The following SGIP1 variants were observed in gnomAD, a reference collection of about 807,000 sequenced individuals.
SGIP1 encodes the protein SH3GL interacting endocytic adaptor 1.
In SGIP1, 38 loss-of-function variants were observed where a neutral mutation model predicts 107.5. The ratio of observed to expected loss-of-function variants is 0.35; its 90% CI spans 0.27 to 0.46. SGIP1 has a LOEUF of 0.46. Among genes scored for constraint, SGIP1 ranks in the 20% least tolerant of loss-of-function variants. The pLI is 1.00. For missense variants in SGIP1, 929 were observed against 1,019.5 expected, an observed-to-expected ratio of 0.91 and a Z score of 1.21; for synonymous variants, 365 against 366.1, an observed-to-expected ratio of 1.00 and a Z score of 0.03.
At chr1:66,740,814 A>T in intron 23 of SGIP1, 92 bp downstream of exon 23, 3 of 774,722 alleles carry the variant, frequency 3.9e-6, no homozygotes, top group Non-Finnish European at 6.4e-6. Context: ...GTAGCAATAA[A>T]AACAAGCAGA....
intron 1 of SGIP1, among the ~76,000 whole-genome samples, chr1:66,567,009 G>A (rs1054199005): frequency 2.0e-5 from 3 of 152,024 alleles, no homozygotes. Context: ...ATGGCTCCCA[G>A]CTTCATCCAT....
At chr1:66,553,998 C>T (rs2057817520) in intron 1 of SGIP1, among the ~76,000 whole-genome samples, 1 of 152,098 alleles carries the variant, frequency 6.6e-6, no homozygotes, top group South Asian at 2.1e-4. Flanking sequence ...TTCATTGCTG[C>T]TTGGTTTATG....
At chr1:66,729,009 T>C (rs2093889315) in intron 19 of SGIP1, among the ~76,000 whole-genome samples, 1 of 152,030 alleles carries the variant, frequency 6.6e-6, no homozygotes, top group African/African-American at 2.4e-5. Context: ...TCAAATACTA[T>C]GCTTAGTACC....
chr1:66,688,924 GACA>G (rs2089147703), intron 15 of SGIP1, among the ~76,000 whole-genome samples: 1 of 151,272 alleles, frequency 6.6e-6, no homozygotes, highest in African/African-American at 2.4e-5. Context: ...GGTGTCACAT[GACA>G]ACAAAAGGCA....
At chr1:66,701,407 A>G (rs1226433252) in intron 18 of SGIP1, among the ~76,000 whole-genome samples, 2 of 152,226 alleles carry the variant, frequency 1.3e-5, no homozygotes, top group African/African-American at 2.4e-5. Context: ...GGGAAACAAT[A>G]CAGAAACATT....
rs1487244174 is a variant in SGIP1 at position 66,733,815 on chromosome 1, C to T, written c.1966C>T (p.Leu656=). 6.2e-7 allele frequency: 1 copy of T among 1,613,494 alleles called. No homozygotes were observed. The highest frequency in any genetic ancestry group is 2.2e-5 in the East Asian group (1 of 44,772). Residue 656 remains leucine, a synonymous_variant, in exon 21 of 25, where the codon CTA becomes TTA. Transcript: ENST00000371037. ...WVNMPNLMTH[L]KKVSEQKPQA... ...AAACATGCCAAATTTGATGACTCAC[C>T]TAAAGAAAGTGTCTGAACAAAAACC...
chr1:66,638,084 A>G (rs1292548554), intron 4 of SGIP1, among the ~76,000 whole-genome samples: 1 of 152,122 alleles, frequency 6.6e-6, no homozygotes, highest in East Asian at 1.9e-4. Flanking sequence ...AGTCCTTTTG[A>G]TCTCCTATCA....
intron 1 of SGIP1, among the ~76,000 whole-genome samples, chr1:66,544,184 C>T (rs1217224250): frequency 6.6e-6 from 1 of 152,164 alleles, no homozygotes; most frequent in Non-Finnish European, 1.5e-5. Flanking sequence ...ATCCTTTATT[C>T]TCAATGTCCA....
chr1:66,685,323 G>A (rs1351419128), intron 15 of SGIP1, among the ~76,000 whole-genome samples: 6 of 152,180 alleles, frequency 3.9e-5, no homozygotes, highest in African/African-American at 1.4e-4. Context: ...CTATTGAAAA[G>A]CAGTTGGAAG....
intron 7 of SGIP1, among the ~76,000 whole-genome samples, chr1:66,652,625 C>A (rs1255588476): frequency 6.6e-6 from 1 of 151,610 alleles, no homozygotes; most frequent in African/African-American, 2.4e-5. Context: ...ATGTGGCCCA[C>A]CCACCCTTCC....
chr1:66,537,005 T>C (rs2053779700), intron 1 of SGIP1, among the ~76,000 whole-genome samples: 1 of 152,172 alleles, frequency 6.6e-6, no homozygotes, highest in East Asian at 1.9e-4. Flanking sequence ...TGGAACAGGA[T>C]ATAGGCTCCA....
chr1:66,559,578 G>A (rs2058648174), intron 1 of SGIP1, among the ~76,000 whole-genome samples: 1 of 151,998 alleles, frequency 6.6e-6, no homozygotes, highest in Admixed American at 6.6e-5. Context: ...AGAGTACATG[G>A]CTCCGCAATG....
chr1:66,581,742 G>C (rs1469993389), intron 1 of SGIP1, among the ~76,000 whole-genome samples: 1 of 152,016 alleles, frequency 6.6e-6, no homozygotes, highest in African/African-American at 2.4e-5. Context: ...GCTGAAGACT[G>C]AAGAGTGATT....
chr1:66,641,988 T>G (rs2076877784), intron 5 of SGIP1, among the ~76,000 whole-genome samples: 2 of 152,222 alleles, frequency 1.3e-5, no homozygotes, highest in African/African-American at 4.8e-5. Context: ...TTAGCACATC[T>G]TGCCTGAATC....
intron 1 of SGIP1, among the ~76,000 whole-genome samples, chr1:66,618,404 A>G (rs1404131066): frequency 6.7e-6 from 1 of 150,010 alleles, no homozygotes; most frequent in Admixed American, 6.6e-5. Context: ...TCATTAGTTT[A>G]AAAAAAATGA....
At chr1:66,597,209 C>G (rs1390771937) in intron 1 of SGIP1, among the ~76,000 whole-genome samples, 2 of 152,208 alleles carry the variant, frequency 1.3e-5, no homozygotes, top group Admixed American at 6.5e-5. Context: ...CTCTCTCCTC[C>G]CAACCTCCAC....
intron 18 of SGIP1, among the ~76,000 whole-genome samples, chr1:66,696,805 T>G (rs1458348463): frequency 6.6e-6 from 1 of 152,226 alleles, no homozygotes; most frequent in Non-Finnish European, 1.5e-5. Context: ...ATAACCAAGA[T>G]GCAAAGTCCA....
chr1:66,659,349 G>A (rs2080414938), intron 7 of SGIP1, among the ~76,000 whole-genome samples: 1 of 152,158 alleles, frequency 6.6e-6, no homozygotes, highest in Non-Finnish European at 1.5e-5. Context: ...CTCACAGGGA[G>A]AAGAATTCAT....
chr1:66,706,395 ATAGT>A (rs1171200783), intron 18 of SGIP1, among the ~76,000 whole-genome samples: 3 of 146,576 alleles, frequency 2.0e-5, no homozygotes, highest in African/African-American at 4.9e-5. Flanking sequence ...ATAATATAAA[ATAGT>A]TATATATAAA....
Sources: allele counts gnomAD v4.1 joint callset (sites outside exome capture counted in the v4.1 genomes callset), GRCh38; gene constraint gnomAD v4.1.1; transcripts MANE v1.5; gene names NCBI Gene and HGNC (gene_info 2026-07-23, HGNC 2026-07-21).